SCAPER: variants seen among roughly 807,000 people sequenced by gnomAD.
SCAPER encodes S phase cyclin A-associated protein in the endoplasmic reticulum.
Under a neutral mutation model 182.2 loss-of-function variants are expected in SCAPER, and 98 were observed. The observed-to-expected ratio is 0.54, with a 90% CI of 0.46 to 0.64. The LOEUF is 0.64. Among genes scored for constraint, SCAPER ranks in the 30% least tolerant of loss-of-function variants. The pLI is 0.00. For missense variants in SCAPER, 1,432 were observed against 1,690.0 expected, an observed-to-expected ratio of 0.85 and a Z score of 2.68; for synonymous variants, 605 against 564.6, an observed-to-expected ratio of 1.07 and a Z score of -1.01.
chr15:76,397,451 C>T (rs972305109), intron 27 of SCAPER, among the ~76,000 whole-genome samples: 7 of 146,860 alleles, frequency 4.8e-5, no homozygotes, highest in African/African-American at 1.7e-4. Context: ...CCCTCTGGTC[C>T]TGGGCTTTTC....
Position 76,512,863 on chromosome 15 carries a change from CAGA to C in SCAPER, c.2839-7892_2839-7890del, listed in dbSNP as rs1167314071. Among the ~76,000 whole-genome samples, 83 of 55,512 alleles carry C rather than the reference CAGA, an allele frequency of 1.5e-3. 2 individuals are homozygous for C. The highest frequency in any genetic ancestry group is 0.019 in the Middle Eastern group (2 of 106). The allele number at this position is 55,512 out of a possible 152,430, so 36.4% of individuals were successfully genotyped here. A position where few individuals can be genotyped will look rare whatever the true frequency, so the allele number is the denominator to read the frequency against. On this transcript the variant is annotated intron_variant, in intron 23 of 31. Transcript: ENST00000563290. Reference sequence around the variant, plus strand: ...TTCAGTTTATTATTTGCAGCTTTTCCAGAAAAAAAAAAAAAAAGCAAAAAAGCA... The same window carrying C: ...TTCAGTTTATTATTTGCAGCTTTTCCAAAAAAAAAAAAAAGCAAAAAAGCA...
chr15:76,493,271 T>C (rs2052509379), intron 24 of SCAPER, among the ~76,000 whole-genome samples: 1 of 152,182 alleles, frequency 6.6e-6, no homozygotes, highest in African/African-American at 2.4e-5. Context: ...AACAACAAAA[T>C]TAATGTTAAA....
chr15:76,556,843 C>T (rs2046233372), intron 23 of SCAPER, among the ~76,000 whole-genome samples: 1 of 152,104 alleles, frequency 6.6e-6, no homozygotes, highest in African/African-American at 2.4e-5. Flanking sequence ...CAATATGCTT[C>T]TATATCTAAA....
chr15:76,586,319 C>G (rs2048653297), intron 22 of SCAPER, among the ~76,000 whole-genome samples: 1 of 152,086 alleles, frequency 6.6e-6, no homozygotes, highest in South Asian at 2.1e-4. Flanking sequence ...TTCATATCCT[C>G]TATTTGGAAG....
At chr15:76,530,923 ATATG>A (rs1186823191) in intron 23 of SCAPER, among the ~76,000 whole-genome samples, 1 of 151,490 alleles carries the variant, frequency 6.6e-6, no homozygotes, top group Non-Finnish European at 1.5e-5. Flanking sequence ...ATATATGTAT[ATATG>A]TATGTATACA....
At chr15:76,606,468 G>GGT (rs1418231637) in intron 22 of SCAPER, among the ~76,000 whole-genome samples, 7 of 152,134 alleles carry the variant, frequency 4.6e-5, no homozygotes, top group Non-Finnish European at 8.8e-5. Context: ...GGTGTGGTGT[G>GGT]GTGCTGAAAA....
At chr15:76,856,850 A>T (rs1006925879) in intron 4 of SCAPER, among the ~76,000 whole-genome samples, 3 of 152,120 alleles carry the variant, frequency 2.0e-5, no homozygotes, top group Non-Finnish European at 2.9e-5. Context: ...CCTGGGCAAC[A>T]GTGAGACCTT....
intron 22 of SCAPER, among the ~76,000 whole-genome samples, chr15:76,605,118 C>CTTTGCT (rs1454944808): frequency 2.6e-5 from 4 of 152,188 alleles, no homozygotes; most frequent in African/African-American, 9.7e-5. Flanking sequence ...AAAGGGAATG[C>CTTTGCT]TTCCAGTTTT....
chr15:76,839,617 A>C (rs1039649147), intron 5 of SCAPER, among the ~76,000 whole-genome samples: 15 of 152,262 alleles, frequency 9.9e-5, no homozygotes, highest in African/African-American at 3.6e-4. Flanking sequence ...ATCTTGGCAC[A>C]GAATAAAGAA....
At chr15:76,765,900 T>C (rs1028894972) in intron 11 of SCAPER, among the ~76,000 whole-genome samples, 5 of 152,208 alleles carry the variant, frequency 3.3e-5, no homozygotes, top group Non-Finnish European at 5.9e-5. Context: ...GGCCTTATCC[T>C]ATTACTACAT....
intron 24 of SCAPER, among the ~76,000 whole-genome samples, chr15:76,499,809 G>C (rs1233153711): frequency 2.0e-5 from 3 of 152,170 alleles, no homozygotes; most frequent in African/African-American, 7.2e-5. Context: ...GATCTTGACA[G>C]ACTTGGCTAA....
At chr15:76,386,279 CA>C (rs2043282197) in intron 27 of SCAPER, among the ~76,000 whole-genome samples, 1 of 152,214 alleles carries the variant, frequency 6.6e-6, no homozygotes, top group South Asian at 2.1e-4. Context: ...AGGTAATATT[CA>C]CAGGTTCTGG....
intron 22 of SCAPER, among the ~76,000 whole-genome samples, chr15:76,589,494 G>A (rs1434448939): frequency 2.0e-5 from 3 of 152,054 alleles, no homozygotes; most frequent in Non-Finnish European, 4.4e-5. Context: ...AGCCTTCCCC[G>A]GCTCCCATGC....
intron 21 of SCAPER, among the ~76,000 whole-genome samples, chr15:76,654,474 C>T (rs1294973429): frequency 6.6e-6 from 1 of 152,010 alleles, no homozygotes; most frequent in Non-Finnish European, 1.5e-5. Context: ...AGTCAAATAA[C>T]AACAGATTCT....
chr15:76,455,227 T>C (rs979002111), intron 25 of SCAPER, among the ~76,000 whole-genome samples: 3 of 152,214 alleles, frequency 2.0e-5, no homozygotes, highest in Non-Finnish European at 4.4e-5. Context: ...TACTGGCGTA[T>C]AGTTGACAAA....
intron 24 of SCAPER, among the ~76,000 whole-genome samples, chr15:76,476,914 G>A: frequency 1.7e-4 from 1 of 5,856 alleles, no homozygotes; most frequent in East Asian, 0.018. Context: ...AATTTTCAAT[G>A]TTATAAAGTT....
intron 20 of SCAPER, among the ~76,000 whole-genome samples, chr15:76,685,105 A>T (rs1316172367): frequency 6.6e-6 from 1 of 152,002 alleles, no homozygotes; most frequent in Non-Finnish European, 1.5e-5. Flanking sequence ...TAAATATGTC[A>T]CTATACTAAA....
chr15:76,560,869 C>G (rs2046562702), intron 23 of SCAPER, among the ~76,000 whole-genome samples: 1 of 152,058 alleles, frequency 6.6e-6, no homozygotes, highest in African/African-American at 2.4e-5. Flanking sequence ...TTTATCATAA[C>G]TAGAAAATAA....
intron 22 of SCAPER, among the ~76,000 whole-genome samples, chr15:76,613,349 G>A (rs1305357150): frequency 6.6e-6 from 1 of 152,114 alleles, no homozygotes; most frequent in Admixed American, 6.6e-5. Flanking sequence ...TACCATTTGG[G>A]ACACAGGCAT....
Sources: gnomAD v4.1 joint callset for allele counts (sites outside exome capture counted in the v4.1 genomes callset) on GRCh38, gnomAD v4.1.1 for gene constraint, MANE v1.5 for transcripts, NCBI Gene and HGNC (gene_info 2026-07-23, HGNC 2026-07-21) for gene names.